Variants in SLC14A2 observed in about 807,000 individuals in gnomAD.
SLC14A2 encodes solute carrier family 14 member 2.
A neutral mutation model predicts 104.6 loss-of-function variants in SLC14A2; 91 were observed. The observed-to-expected ratio is 0.87, with a 90% CI of 0.73 to 1.04. SLC14A2 has a LOEUF of 1.04. SLC14A2 is among the 50% of genes least tolerant of loss of function. SLC14A2 has a pLI of 0.00. For synonymous variants in SLC14A2, 476 were observed against 466.4 expected, an observed-to-expected ratio of 1.02 and a Z score of -0.27; for missense variants, 1,189 against 1,156.0, an observed-to-expected ratio of 1.03 and a Z score of -0.41.
intron 10 of SLC14A2, among the ~76,000 whole-genome samples, chr18:45,660,188 T>C (rs2045915752): frequency 6.6e-6 from 1 of 152,152 alleles, no homozygotes; most frequent in Non-Finnish European, 1.5e-5. Flanking sequence ...TTCAACAAAC[T>C]ACAGTATACC....
the SLC14A2 span, among the ~76,000 whole-genome samples, chr18:45,200,824 C>A: frequency 6.6e-6 from 1 of 151,874 alleles, no homozygotes; most frequent in Admixed American, 6.6e-5. Context: ...TCCAAAATAC[C>A]CAATGCCTGC....
chr18:45,361,253 T>G (rs2085607877), intron 1 of SLC14A2, among the ~76,000 whole-genome samples: 1 of 152,180 alleles, frequency 6.6e-6, no homozygotes, highest in Non-Finnish European at 1.5e-5. Context: ...AGAGACTGGG[T>G]TTCATTCATC....
chr18:45,223,232 G>C (rs11875021), intron 1 of SLC14A2, among the ~76,000 whole-genome samples: 19,061 of 152,200 alleles, frequency 0.13, 1,396 homozygotes, highest in African/African-American at 0.21. Context: ...TTAGGCTCTT[G>C]TCTCTGGTCG....
chr18:45,359,885 T>C (rs1295507838), intron 1 of SLC14A2, among the ~76,000 whole-genome samples: 1 of 152,216 alleles, frequency 6.6e-6, no homozygotes, highest in Admixed American at 6.5e-5. Flanking sequence ...AAACAGAGCT[T>C]CCCTCACCTA....
intron 2 of SLC14A2, among the ~76,000 whole-genome samples, chr18:45,534,601 T>G (rs2043752436): frequency 6.6e-6 from 1 of 152,108 alleles, no homozygotes; most frequent in South Asian, 2.1e-4. Flanking sequence ...TGTCGGAAAC[T>G]TTAGAGTTCA....
At position 45,644,044 on chromosome 18, in the gene SLC14A2, T is replaced by C. The variant is rs2045578042; in HGVS notation, c.1235T>C (p.Leu412Pro). The C allele has an allele frequency of 6.2e-7, 1 of 1,614,236 alleles. No homozygotes were observed. Among genetic ancestry groups the C allele is most frequent in the Non-Finnish European group, 8.5e-7 (1 of 1,180,030 alleles). Reference protein sequence around the residue: ...FCLATIIFLLLTTNNPAIFRL... With the variant: ...FCLATIIFLLPTTNNPAIFRL... Reference sequence around the variant, plus strand: ...CTTGCCACCATCATCTTCCTGCTCCTGACGACAAACAACCCAGCCATCTTC... The same window carrying C: ...CTTGCCACCATCATCTTCCTGCTCCCGACGACAAACAACCCAGCCATCTTC... The change falls in exon 10 of 20, where the codon CTG (leucine) becomes CCG (proline). Residue 412 changes from leucine (L) to proline (P), a missense_variant. Leu to Pro is a moderately conservative substitution (Grantham distance 98). Transcript: ENST00000255226.
At chr18:45,628,253 G>A (rs1235862943) in intron 4 of SLC14A2, among the ~76,000 whole-genome samples, 1 of 151,872 alleles carries the variant, frequency 6.6e-6, no homozygotes, top group Non-Finnish European at 1.5e-5. Flanking sequence ...AGACCATTCT[G>A]GCCAATATGG....
chr18:45,481,661 A>G (rs2087495475), intron 1 of SLC14A2, among the ~76,000 whole-genome samples: 1 of 152,188 alleles, frequency 6.6e-6, no homozygotes, highest in Non-Finnish European at 1.5e-5. Context: ...GAATTTATTG[A>G]CAATCCTTTG....
chr18:45,675,824 T>C (rs1035742334), intron 18 of SLC14A2, among the ~76,000 whole-genome samples: 2 of 149,032 alleles, frequency 1.3e-5, no homozygotes, highest in African/African-American at 5.0e-5. Context: ...ACAGGTTCAA[T>C]GAAAAGAAGA....
intron 1 of SLC14A2, among the ~76,000 whole-genome samples, chr18:45,239,048 G>A (rs1040399038): frequency 6.6e-6 from 1 of 152,108 alleles, no homozygotes; most frequent in Non-Finnish European, 1.5e-5. Flanking sequence ...ATAAGAAAAA[G>A]GTGCATATGT....
chr18:45,207,691 G>C, the SLC14A2 span, among the ~76,000 whole-genome samples: 1 of 152,190 alleles, frequency 6.6e-6, no homozygotes, highest in Non-Finnish European at 1.5e-5. Flanking sequence ...GTAATGTGAA[G>C]AGAGTTAGAG....
At chr18:45,395,347 A>G (rs2086017470) in intron 1 of SLC14A2, among the ~76,000 whole-genome samples, 1 of 152,224 alleles carries the variant, frequency 6.6e-6, no homozygotes, top group Non-Finnish European at 1.5e-5. Flanking sequence ...TGAGAAGCAG[A>G]AAGAAGAGTG....
chr18:45,514,619 C>A (rs1479024796), intron 2 of SLC14A2, among the ~76,000 whole-genome samples: 1 of 152,144 alleles, frequency 6.6e-6, no homozygotes, highest in Non-Finnish European at 1.5e-5. Context: ...AGCATCCTAA[C>A]GTAGACCTGA....
chr18:45,593,324 A>G (rs1218253108), intron 2 of SLC14A2, among the ~76,000 whole-genome samples: 1 of 151,552 alleles, frequency 6.6e-6, no homozygotes, highest in Non-Finnish European at 1.5e-5. Context: ...CTCACAAAAA[A>G]AAAAGTGAGC....
intron 1 of SLC14A2, among the ~76,000 whole-genome samples, chr18:45,414,757 A>AAAATATATATATATATATATATAT (rs1360051908): frequency 3.9e-5 from 3 of 76,124 alleles, no homozygotes; most frequent in Non-Finnish European, 6.5e-5. Context: ...AAAAAAAAAA[A>AAAATATATATATATATATATATAT]ATATATATAT....
intron 1 of SLC14A2, among the ~76,000 whole-genome samples, chr18:45,357,790 A>G (rs773545569): frequency 5.3e-5 from 8 of 152,166 alleles, no homozygotes; most frequent in Non-Finnish European, 1.2e-4. Context: ...ACCCTGATGA[A>G]GAAAGGCTGA....
intron 10 of SLC14A2, among the ~76,000 whole-genome samples, chr18:45,657,145 G>C (rs2045849860): frequency 6.6e-6 from 1 of 152,092 alleles, no homozygotes; most frequent in South Asian, 2.1e-4. Flanking sequence ...ACCTACCTTA[G>C]GCCATTATAT....
intron 1 of SLC14A2, among the ~76,000 whole-genome samples, chr18:45,243,744 G>C (rs2084340917): frequency 1.3e-5 from 2 of 152,188 alleles, no homozygotes; most frequent in South Asian, 4.1e-4. Context: ...CCCAGTTGTG[G>C]CTGAGAGACT....
chr18:45,321,880 G>A, intron 1 of SLC14A2, among the ~76,000 whole-genome samples: 1 of 152,178 alleles, frequency 6.6e-6, no homozygotes, highest in East Asian at 1.9e-4. Context: ...GTTCTGTCTG[G>A]CTGATTCTGC....
Sources: gnomAD v4.1 joint callset for allele counts (sites outside exome capture counted in the v4.1 genomes callset) on GRCh38, gnomAD v4.1.1 for gene constraint, MANE v1.5 for transcripts, NCBI Gene and HGNC (gene_info 2026-07-23, HGNC 2026-07-21) for gene names.